NDST3: variants seen among roughly 807,000 people sequenced by gnomAD.
NDST3 encodes the protein bifunctional heparan sulfate N-deacetylase/N-sulfotransferase 3.
In NDST3, 58 loss-of-function variants were observed where a neutral mutation model predicts 96.1. The observed-to-expected ratio is 0.60, with a 90% CI of 0.49 to 0.75. The LOEUF (loss-of-function observed/expected upper bound fraction) is 0.75, where lower values mean the gene tolerates loss of function less well. Among genes scored for constraint, NDST3 ranks in the 30% least tolerant of loss-of-function variants. NDST3 has a pLI of 0.00. For synonymous variants in NDST3, 333 were observed against 359.7 expected, an observed-to-expected ratio of 0.93 and a Z score of 0.84; for missense variants, 788 against 1,034.2, an observed-to-expected ratio of 0.76 and a Z score of 3.27.
At chr4:118,218,821 C>T (rs1160437803) in intron 6 of NDST3, among the ~76,000 whole-genome samples, 1 of 152,094 alleles carries the variant, frequency 6.6e-6, no homozygotes, top group African/African-American at 2.4e-5. Context: ...ACTCGTTAAG[C>T]TGATAAGTAA....
chr4:118,103,392 C>T (rs1456775385), intron 2 of NDST3, among the ~76,000 whole-genome samples: 2 of 151,330 alleles, frequency 1.3e-5, no homozygotes, highest in Admixed American at 1.3e-4. Context: ...TGGGGAACAA[C>T]AGAATTGAGA....
At chr4:118,104,658 G>T (rs537126190) in intron 2 of NDST3, among the ~76,000 whole-genome samples, 1 of 152,210 alleles carries the variant, frequency 6.6e-6, no homozygotes, top group South Asian at 2.1e-4. Context: ...CTAAAAATGA[G>T]TGCCCTTCTT....
Position 118,224,586 on chromosome 4 carries a change from C to T in NDST3, c.1635C>T (p.Thr545=). The T allele has an allele frequency of 6.2e-7, 1 of 1,612,884 alleles. No individual in the cohort carries two copies. The highest frequency in any genetic ancestry group is 8.5e-7 in the Non-Finnish European group (1 of 1,179,294). ...VNLANFVKSW[T]NLRLQTLPPV... is the part of the protein sequence containing the mutation. ...TGGCCAACTTTGTGAAGAGCTGGAC[C>T]AACCTGCGACTTCAGACTCTGCCTC... Residue 545 remains threonine (T), a synonymous_variant, in exon 7 of 14, where the codon ACC becomes ACT. Transcript: ENST00000296499.
chr4:118,194,937 CCA>C (rs1737568992), intron 6 of NDST3, among the ~76,000 whole-genome samples: 1 of 152,056 alleles, frequency 6.6e-6, no homozygotes, highest in South Asian at 2.1e-4. Flanking sequence ...GTGATTCTCT[CCA>C]GTTTTGTTCT....
chr4:118,198,584 A>T (rs1160934338), intron 6 of NDST3, among the ~76,000 whole-genome samples: 1 of 152,186 alleles, frequency 6.6e-6, no homozygotes, highest in Non-Finnish European at 1.5e-5. Flanking sequence ...AAATAACAGT[A>T]GTTTACACAC....
chr4:118,206,076 C>T (rs988228117), intron 6 of NDST3, among the ~76,000 whole-genome samples: 2 of 143,232 alleles, frequency 1.4e-5, no homozygotes, highest in African/African-American at 5.2e-5. Flanking sequence ...TCGTGATCCG[C>T]CCACCTCGGC....
chr4:118,210,402 A>T (rs1262506401), intron 6 of NDST3, among the ~76,000 whole-genome samples: 2 of 152,098 alleles, frequency 1.3e-5, no homozygotes, highest in African/African-American at 4.8e-5. Context: ...CCTTTTTTCC[A>T]AAGACAGATC....
intron 4 of NDST3, among the ~76,000 whole-genome samples, chr4:118,126,586 A>G (rs866832365): frequency 4.0e-5 from 6 of 149,142 alleles, no homozygotes; most frequent in African/African-American, 1.0e-4. Flanking sequence ...TTCTTTATCT[A>G]TTCATCTGTT....
chr4:118,162,638 A>G (rs1370926831), intron 6 of NDST3, among the ~76,000 whole-genome samples: 1 of 150,102 alleles, frequency 6.7e-6, no homozygotes, highest in African/African-American at 2.4e-5. Flanking sequence ...ACCTAAAACC[A>G]TAAAAACCCT....
intron 4 of NDST3, 129 bp downstream of exon 4, chr4:118,115,089 G>A (rs1730977111): frequency 2.1e-6 from 2 of 945,804 alleles, no homozygotes; most frequent in Middle Eastern, 3.3e-4. Context: ...TTTTGGTATT[G>A]CCGCCTTTCA....
rs1316524288 is a variant in NDST3 at position 118,226,992 on chromosome 4, T to G, written c.1819+10T>G. On this transcript the variant is annotated intron_variant, in intron 8 of 13. Coordinates refer to ENST00000296499, the MANE Select transcript of NDST3 (RefSeq NM_004784.3). Reference sequence around the variant, plus strand: ...GGACCCCAGAAAACTGGTGAGAACTTTTTATGTTATGATTAACGAGTGTAA... The same window carrying G: ...GGACCCCAGAAAACTGGTGAGAACTGTTTATGTTATGATTAACGAGTGTAA... 6.4e-7 allele frequency: 1 copy of G among 1,568,576 alleles called. No individual in the cohort carries two copies. The highest frequency in any genetic ancestry group is 8.8e-7 in the Non-Finnish European group (1 of 1,142,130).
At chr4:118,105,535 G>GT (rs1730103988) in intron 3 of NDST3, among the ~76,000 whole-genome samples, 1 of 152,116 alleles carries the variant, frequency 6.6e-6, no homozygotes, top group Admixed American at 6.6e-5. Flanking sequence ...GCTTTGAGTG[G>GT]TATGTAAAAG....
intron 6 of NDST3, among the ~76,000 whole-genome samples, chr4:118,164,450 A>G (rs1261657158): frequency 1.3e-5 from 2 of 151,472 alleles, no homozygotes; most frequent in Admixed American, 1.3e-4. Context: ...GTGACATGAG[A>G]GTACCTATAT....
chr4:118,066,178 T>C (rs1241823308), intron 2 of NDST3, among the ~76,000 whole-genome samples: 1 of 23,344 alleles, frequency 4.3e-5, no homozygotes, highest in African/African-American at 8.5e-5. Context: ...ATATTTTATA[T>C]ATTATATATC....
chr4:118,175,012 A>G (rs1736186740), intron 6 of NDST3, among the ~76,000 whole-genome samples: 1 of 152,162 alleles, frequency 6.6e-6, no homozygotes, highest in South Asian at 2.1e-4. Flanking sequence ...CAGAACTCTG[A>G]CCACGTACAG....
At chr4:118,241,926 T>A in intron 11 of NDST3, 114 bp from the exon 12 acceptor site, 1 of 660,410 alleles carries the variant, frequency 1.5e-6, no homozygotes, top group South Asian at 2.1e-5. Flanking sequence ...CACCAATGCA[T>A]GCAATTCTGC....
intron 5 of NDST3, 112 bp from the exon 6 acceptor site, chr4:118,143,444 A>T: frequency 1.8e-6 from 2 of 1,106,060 alleles, no homozygotes; most frequent in South Asian, 3.0e-5. Context: ...CCCTGGTTAG[A>T]CCTGAATAAT....
intron 2 of NDST3, among the ~76,000 whole-genome samples, chr4:118,064,019 C>T (rs577114453): frequency 5.9e-5 from 9 of 152,208 alleles, no homozygotes; most frequent in Non-Finnish European, 1.3e-4. Context: ...CCTAGATTTA[C>T]CGATAAGTCT....
At chr4:118,114,743 T>A in intron 3 of NDST3, 63 bp from the exon 4 acceptor site, 1 of 1,497,036 alleles carries the variant, frequency 6.7e-7, no homozygotes, top group South Asian at 1.2e-5. Context: ...AATAGATAAG[T>A]AGATTGATTG....
Sources: gnomAD v4.1 joint callset for allele counts (sites outside exome capture counted in the v4.1 genomes callset) on GRCh38, gnomAD v4.1.1 for gene constraint, MANE v1.5 for transcripts, NCBI Gene and HGNC (gene_info 2026-07-23, HGNC 2026-07-21) for gene names.